EXOC6: variants seen among roughly 807,000 people sequenced by gnomAD.
EXOC6 encodes exocyst complex component 6.
Under a neutral mutation model 112.5 loss-of-function variants are expected in EXOC6, and 60 were observed. The ratio of observed to expected loss-of-function variants is 0.53; its 90% CI spans 0.43 to 0.66. The LOEUF (loss-of-function observed/expected upper bound fraction) is 0.66. Among genes scored for constraint, EXOC6 ranks in the 30% least tolerant of loss-of-function variants. EXOC6 has a pLI of 0.00. For synonymous variants in EXOC6, 295 were observed against 308.0 expected (o/e 0.96, Z 0.44); for missense variants, 855 against 957.1 (o/e 0.89, Z 1.41).
At chr10:92,960,908 C>A (rs1292399702) in intron 17 of EXOC6, among the ~76,000 whole-genome samples, 2 of 152,050 alleles carry the variant, frequency 1.3e-5, no homozygotes, top group Non-Finnish European at 2.9e-5. Flanking sequence ...ATTTACTACA[C>A]CTTATTTATT....
intron 8 of EXOC6, among the ~76,000 whole-genome samples, chr10:92,921,408 C>A (rs558058386): frequency 1.4e-4 from 22 of 151,828 alleles, no homozygotes; most frequent in Non-Finnish European, 2.7e-4. Context: ...CCATGGCCAG[C>A]TAATTTTTTG....
chr10:92,983,323 A>G (rs1842890466), intron 18 of EXOC6, among the ~76,000 whole-genome samples: 1 of 152,128 alleles, frequency 6.6e-6, no homozygotes, highest in African/African-American at 2.4e-5. Flanking sequence ...CCAGTCTTCC[A>G]GACTGCTGTT....
intron 1 of EXOC6, among the ~76,000 whole-genome samples, chr10:92,855,375 T>C (rs1177833210): frequency 6.6e-6 from 1 of 152,174 alleles, no homozygotes; most frequent in Non-Finnish European, 1.5e-5. Flanking sequence ...TAATTTTCTT[T>C]TTTTGGTGAT....
chr10:92,875,577 A>G (rs1284396461), intron 1 of EXOC6, among the ~76,000 whole-genome samples: 1 of 152,206 alleles, frequency 6.6e-6, no homozygotes, highest in Non-Finnish European at 1.5e-5. Flanking sequence ...CATGAGTACA[A>G]CAGACTTAGT....
At position 92,863,679 on chromosome 10, in the gene EXOC6, G is replaced by A. The variant is rs1028175977; in HGVS notation, c.101+15045G>A. On this transcript the variant is annotated intron_variant, in intron 1 of 21. Coordinates refer to ENST00000260762, the MANE Select transcript of EXOC6 (RefSeq NM_019053.6). ...TGTAATCCCAGCACTTTGGGAGGCC[G>A]AGGCAGGCGGATCACAAGGTCAGGA... 1.3e-4 allele frequency among the ~76,000 whole-genome samples: 20 copies of A among 152,122 alleles called. No individual in the cohort carries two copies. In the Middle Eastern group the frequency reaches 0.017, roughly 129 times the overall value.
chr10:92,857,898 A>T (rs1359511454), intron 1 of EXOC6, among the ~76,000 whole-genome samples: 1 of 151,758 alleles, frequency 6.6e-6, no homozygotes, highest in Non-Finnish European at 1.5e-5. Context: ...GGTCTGCTTG[A>T]AACTATTTCC....
At chr10:92,983,630 G>A (rs1842904062) in intron 18 of EXOC6, among the ~76,000 whole-genome samples, 1 of 151,282 alleles carries the variant, frequency 6.6e-6, no homozygotes, top group Admixed American at 6.6e-5. Flanking sequence ...CCAGCCTCCT[G>A]AGTAGCTGGA....
At chr10:92,935,761 C>A in intron 11 of EXOC6, 53 bp from the exon 12 acceptor site, 1 of 1,150,936 alleles carries the variant, frequency 8.7e-7, no homozygotes, top group Non-Finnish European at 1.3e-6. Flanking sequence ...AATCATATGA[C>A]TCTGGTTTGT....
intron 9 of EXOC6, among the ~76,000 whole-genome samples, chr10:92,932,353 A>T (rs1156894017): frequency 6.6e-6 from 1 of 152,018 alleles, no homozygotes; most frequent in Non-Finnish European, 1.5e-5. Flanking sequence ...GAAATGTTGT[A>T]TTTTTTTATT....
chr10:92,928,537 C>A (rs1377132835), intron 9 of EXOC6, 115 bp downstream of exon 9: 4 of 609,824 alleles, frequency 6.6e-6, no homozygotes, highest in South Asian at 2.4e-5. Flanking sequence ...TTATTGAACA[C>A]CTACCATTTC....
intron 9 of EXOC6, 46 bp downstream of exon 9, chr10:92,928,468 C>T (rs779679064): frequency 2.6e-6 from 3 of 1,146,700 alleles, no homozygotes; most frequent in South Asian, 2.7e-5. Flanking sequence ...ACTTTTTATC[C>T]CCTTACCCTG....
intron 1 of EXOC6, among the ~76,000 whole-genome samples, chr10:92,862,849 G>A (rs1250964946): frequency 1.3e-5 from 2 of 152,258 alleles, no homozygotes; most frequent in South Asian, 2.1e-4. Context: ...ACAAGTTTTG[G>A]TTGAATGCCT....
intron 18 of EXOC6, among the ~76,000 whole-genome samples, chr10:92,988,239 C>T (rs949540483): frequency 1.3e-5 from 2 of 152,128 alleles, no homozygotes; most frequent in South Asian, 2.1e-4. Context: ...ACCTTTTTTA[C>T]GGCTTTATCG....
At chr10:92,908,599 G>A (rs180744695) in intron 5 of EXOC6, among the ~76,000 whole-genome samples, 143 of 152,240 alleles carry the variant, frequency 9.4e-4, no homozygotes, top group Admixed American at 2.8e-3. Context: ...GTCCAGCTAC[G>A]AATTAATATG....
intron 8 of EXOC6, among the ~76,000 whole-genome samples, chr10:92,926,059 A>AG (rs1851699805): frequency 6.6e-6 from 1 of 151,742 alleles, no homozygotes; most frequent in Non-Finnish European, 1.5e-5. Flanking sequence ...TTTTAAAAAA[A>AG]AAAAAAAACA....
chr10:92,998,664 ACT>A (rs1491420473), intron 19 of EXOC6, among the ~76,000 whole-genome samples: 6 of 148,778 alleles, frequency 4.0e-5, no homozygotes, highest in Admixed American at 6.8e-5. Context: ...ACACACACAC[ACT>A]CCAAAGTTTC....
chr10:92,867,781 A>G lies in EXOC6; in HGVS notation c.101+19147A>G, dbSNP rs144071746. ...TGCTGAGATGGATATATAAATGGATACACAACTGGTCAGTATCCACAGGGC... is the reference window on the plus strand; with the variant it reads ...TGCTGAGATGGATATATAAATGGATGCACAACTGGTCAGTATCCACAGGGC... On this transcript the variant is annotated intron_variant, in intron 1 of 21. Transcript: ENST00000260762. 3.0e-4 allele frequency among the ~76,000 whole-genome samples: 45 copies of G among 152,308 alleles called. No homozygotes were observed. In the East Asian group the frequency reaches 8.7e-3, roughly 29 times the overall value.
intron 5 of EXOC6, 57 bp from the exon 6 acceptor site, chr10:92,909,370 T>G: frequency 8.0e-7 from 1 of 1,251,716 alleles, no homozygotes; most frequent in Non-Finnish European, 1.1e-6. Context: ...TAGATTTACT[T>G]GTAAAAATAT....
At chr10:92,960,577 A>T in intron 17 of EXOC6, among the ~76,000 whole-genome samples, 1 of 142,854 alleles carries the variant, frequency 7.0e-6, no homozygotes. Flanking sequence ...TCTAAAAAAT[A>T]GTCTATTTAA....
Sources: allele counts gnomAD v4.1 joint callset (sites outside exome capture counted in the v4.1 genomes callset), GRCh38; gene constraint gnomAD v4.1.1; transcripts MANE v1.5; gene names NCBI Gene and HGNC (gene_info 2026-07-23, HGNC 2026-07-21).